RSRC1: variants seen among roughly 807,000 people sequenced by gnomAD.
RSRC1 encodes the protein arginine and serine rich coiled-coil 1.
In RSRC1, 39 loss-of-function variants were observed where a neutral mutation model predicts 49.1. The observed-to-expected ratio is 0.79, with a 90% CI of 0.61 to 1.04. The LOEUF is 1.04. Among genes scored for constraint, RSRC1 ranks in the 50% least tolerant of loss-of-function variants. The pLI, the probability that RSRC1 is intolerant of heterozygous loss-of-function variation, is 0.00. For synonymous variants in RSRC1, 143 were observed against 130.8 expected, an observed-to-expected ratio of 1.09 and a Z score of -0.63; for missense variants, 388 against 402.4, an observed-to-expected ratio of 0.96 and a Z score of 0.31.
At chr3:158,486,940 G>A (rs1008383617) in intron 7 of RSRC1, among the ~76,000 whole-genome samples, 1 of 152,048 alleles carries the variant, frequency 6.6e-6, no homozygotes, top group African/African-American at 2.4e-5. Flanking sequence ...ACTGGATCTG[G>A]ATCTTCCACC....
intron 6 of RSRC1, among the ~76,000 whole-genome samples, chr3:158,401,238 G>C (rs567585988): frequency 2.0e-5 from 3 of 151,858 alleles, no homozygotes; most frequent in Non-Finnish European, 4.4e-5. Flanking sequence ...TGACTGTAAC[G>C]GGCAGAGATG....
At chr3:158,449,610 A>G (rs1291340479) in intron 6 of RSRC1, among the ~76,000 whole-genome samples, 1 of 150,724 alleles carries the variant, frequency 6.6e-6, no homozygotes, top group Admixed American at 6.7e-5. Flanking sequence ...ACTGGGCCAG[A>G]GGATCTTTAT....
At chr3:158,125,293 T>G (rs1377052858) in intron 3 of RSRC1, among the ~76,000 whole-genome samples, 1 of 152,056 alleles carries the variant, frequency 6.6e-6, no homozygotes, top group Non-Finnish European at 1.5e-5. Context: ...TGTTCTTTAT[T>G]TAGTTCCTTG....
chr3:158,275,783 T>C (rs940980581), intron 4 of RSRC1: 3 of 484,440 alleles, frequency 6.2e-6, no homozygotes, highest in African/African-American at 6.0e-5. Flanking sequence ...GTTTATTAGG[T>C]ATGAATTTTA....
chr3:158,153,201 C>G (rs1717657778), intron 3 of RSRC1, among the ~76,000 whole-genome samples: 2 of 152,124 alleles, frequency 1.3e-5, no homozygotes, highest in South Asian at 4.2e-4. Flanking sequence ...TAGCTTAAAT[C>G]TTGTGTCAGT....
At chr3:158,468,685 GTGTT>G (rs1737995788) in intron 7 of RSRC1, among the ~76,000 whole-genome samples, 1 of 152,086 alleles carries the variant, frequency 6.6e-6, no homozygotes, top group Non-Finnish European at 1.5e-5. Context: ...TATTATATAA[GTGTT>G]TGTTCTAGTA....
intron 4 of RSRC1, among the ~76,000 whole-genome samples, chr3:158,210,445 T>C (rs1326181646): frequency 6.7e-6 from 1 of 148,186 alleles, no homozygotes; most frequent in Non-Finnish European, 1.5e-5. Flanking sequence ...ATATCGAAAG[T>C]ATACCTTTAA....
intron 3 of RSRC1, among the ~76,000 whole-genome samples, chr3:158,186,940 T>A (rs547126887): frequency 1.3e-5 from 2 of 152,102 alleles, no homozygotes; most frequent in African/African-American, 4.8e-5. Context: ...GGTTAAATCT[T>A]TTGATAATAT....
At chr3:158,195,554 T>C (rs1353767687) in intron 3 of RSRC1, among the ~76,000 whole-genome samples, 1 of 152,222 alleles carries the variant, frequency 6.6e-6, no homozygotes, top group Non-Finnish European at 1.5e-5. Context: ...TTTGGTGTTT[T>C]AGACATGAAG....
intron 3 of RSRC1, among the ~76,000 whole-genome samples, chr3:158,171,080 A>G (rs1483535440): frequency 6.6e-6 from 1 of 152,210 alleles, no homozygotes; most frequent in Non-Finnish European, 1.5e-5. Flanking sequence ...TATTCTGTGT[A>G]TGACTGGCAC....
chr3:158,344,010 C>T (rs1730406809), intron 5 of RSRC1, among the ~76,000 whole-genome samples: 2 of 152,296 alleles, frequency 1.3e-5, no homozygotes, highest in South Asian at 2.1e-4. Flanking sequence ...GGTACGATGG[C>T]TTACGTCTGT....
chr3:158,449,713 T>C (rs1476214563), intron 6 of RSRC1, among the ~76,000 whole-genome samples: 1 of 151,990 alleles, frequency 6.6e-6, no homozygotes, highest in African/African-American at 2.4e-5. Flanking sequence ...TCCTTCTAAC[T>C]ACAGACATTT....
intron 4 of RSRC1, among the ~76,000 whole-genome samples, chr3:158,272,996 ATATAAC>A (rs1398491491): frequency 2.0e-4 from 30 of 152,176 alleles, no homozygotes; most frequent in African/African-American, 6.5e-4. Context: ...GCATTGTCTT[ATATAAC>A]TATGAGTACT....
intron 6 of RSRC1, among the ~76,000 whole-genome samples, chr3:158,423,775 T>A (rs1192492681): frequency 6.6e-6 from 1 of 152,122 alleles, no homozygotes; most frequent in Non-Finnish European, 1.5e-5. Context: ...GTAGTTCTCC[T>A]TGAAGAGGTC....
chr3:158,473,998 T>TA (rs1651386932), intron 7 of RSRC1, among the ~76,000 whole-genome samples: 1 of 152,206 alleles, frequency 6.6e-6, no homozygotes, highest in Non-Finnish European at 1.5e-5. Flanking sequence ...TTTTGTATGA[T>TA]ATGTTGTATG....
intron 5 of RSRC1, among the ~76,000 whole-genome samples, chr3:158,322,789 T>C (rs1490130239): frequency 6.6e-6 from 1 of 152,004 alleles, no homozygotes; most frequent in Non-Finnish European, 1.5e-5. Flanking sequence ...CTCTGTTCAT[T>C]TTCCTTCAAT....
intron 6 of RSRC1, among the ~76,000 whole-genome samples, chr3:158,453,449 T>C (rs567999614): frequency 1.8e-4 from 27 of 151,442 alleles, no homozygotes; most frequent in African/African-American, 6.1e-4. Flanking sequence ...TTTGGGATTC[T>C]AGCTCACTGC....
chr3:158,123,868 G>A lies in RSRC1; in HGVS notation c.197G>A (p.Arg66His), dbSNP rs199775686. Residue 66 changes from arginine (R) to histidine (H), a missense_variant and splice_region_variant, in exon 3 of 10, where the codon CGC becomes CAC. Transcript: ENST00000611884. ...TCTTTGATTATATTTTATTTCAGAC[G>A]CAGGCATCGATCAAGCAGTAGCTCT... The part of the protein sequence containing the change: ...QPRSHSYDRR[R>H]RHRSSSSSSY... The A allele has an allele frequency of 4.2e-5, 68 of 1,601,264 alleles. No homozygotes were observed. The highest frequency in any genetic ancestry group is 2.3e-4 in the African/African-American group (17 of 74,084).
intron 4 of RSRC1, among the ~76,000 whole-genome samples, chr3:158,295,496 A>G (rs1348745025): frequency 6.6e-6 from 1 of 152,152 alleles, no homozygotes; most frequent in African/African-American, 2.4e-5. Flanking sequence ...GGCAGCAACT[A>G]CTGGCATTCA....
Sources: allele counts gnomAD v4.1 joint callset (sites outside exome capture counted in the v4.1 genomes callset), GRCh38; gene constraint gnomAD v4.1.1; transcripts MANE v1.5; gene names NCBI Gene and HGNC (gene_info 2026-07-23, HGNC 2026-07-21).